KCND2: variants seen among roughly 807,000 people sequenced by gnomAD.
KCND2 encodes the protein A-type voltage-gated potassium channel KCND2.
A neutral mutation model predicts 54.4 loss-of-function variants in KCND2; 16 were observed. That is an observed-to-expected ratio of 0.29 (90% CI 0.20 to 0.45). The LOEUF is 0.45. Ranked by LOEUF, KCND2 falls within the 20% of genes least tolerant of loss-of-function variation. The pLI, the probability that KCND2 is intolerant of heterozygous loss-of-function variation, is 1.00. For missense variants in KCND2, 486 were observed against 824.2 expected, an observed-to-expected ratio of 0.59 and a Z score of 5.02; for synonymous variants, 317 against 310.7, an observed-to-expected ratio of 1.02 and a Z score of -0.21.
chr7:120,610,533 G>A (rs557053620), intron 1 of KCND2, among the ~76,000 whole-genome samples: 142 of 152,226 alleles, frequency 9.3e-4, no homozygotes, highest in Middle Eastern at 6.8e-3. Context: ...TGCAGATTCT[G>A]ATTCCAGTGT....
At chr7:120,378,752 C>G (rs2116020144) in intron 1 of KCND2, among the ~76,000 whole-genome samples, 1 of 152,044 alleles carries the variant, frequency 6.6e-6, no homozygotes, top group South Asian at 2.1e-4. Flanking sequence ...ATGCCAACAT[C>G]TCAAAAATCT....
At chr7:120,317,331 T>G (rs933535793) in intron 1 of KCND2, among the ~76,000 whole-genome samples, 2 of 152,184 alleles carry the variant, frequency 1.3e-5, no homozygotes, top group Admixed American at 1.3e-4. Flanking sequence ...GTAAATTAGG[T>G]AATTTTTGTA....
At chr7:120,508,709 A>T (rs1461969919) in intron 1 of KCND2, among the ~76,000 whole-genome samples, 1 of 151,970 alleles carries the variant, frequency 6.6e-6, no homozygotes, top group Non-Finnish European at 1.5e-5. Context: ...TTTATTTAAA[A>T]ATTGGCCTGA....
intron 1 of KCND2, among the ~76,000 whole-genome samples, chr7:120,358,146 A>T (rs1270507251): frequency 1.3e-5 from 2 of 152,184 alleles, no homozygotes; most frequent in Non-Finnish European, 2.9e-5. Flanking sequence ...GAGACAGAAT[A>T]TTCTGATAGA....
chr7:120,745,311 A>T (rs1792991684), intron 4 of KCND2, among the ~76,000 whole-genome samples: 1 of 152,178 alleles, frequency 6.6e-6, no homozygotes, highest in Non-Finnish European at 1.5e-5. Flanking sequence ...TTTCACTCCC[A>T]TGTGAAAAGA....
intron 1 of KCND2, among the ~76,000 whole-genome samples, chr7:120,433,488 A>C (rs753259880): frequency 1.3e-5 from 2 of 152,184 alleles, no homozygotes; most frequent in Non-Finnish European, 2.9e-5. Flanking sequence ...ATATGCTTCA[A>C]TCTACTGGTA....
At chr7:120,516,080 G>A (rs1282468217) in intron 1 of KCND2, among the ~76,000 whole-genome samples, 1 of 151,854 alleles carries the variant, frequency 6.6e-6, no homozygotes, top group Non-Finnish European at 1.5e-5. Flanking sequence ...TAATATCTTG[G>A]TAGGATTCAT....
At chr7:120,510,991 A>T (rs967390332) in intron 1 of KCND2, among the ~76,000 whole-genome samples, 11 of 150,020 alleles carry the variant, frequency 7.3e-5, no homozygotes, top group African/African-American at 2.7e-4. Flanking sequence ...CCATGACTTG[A>T]CACCTTTCCC....
At chr7:120,620,325 T>C (rs538800071) in intron 1 of KCND2, among the ~76,000 whole-genome samples, 1 of 152,296 alleles carries the variant, frequency 6.6e-6, no homozygotes, top group Non-Finnish European at 1.5e-5. Flanking sequence ...GAATCTAATT[T>C]GGAGTTCAGA....
chr7:120,714,094 C>T (rs1446887192), intron 1 of KCND2, among the ~76,000 whole-genome samples: 2 of 152,014 alleles, frequency 1.3e-5, no homozygotes, highest in African/African-American at 2.4e-5. Context: ...TAATGATAAT[C>T]GATATACAAT....
At chr7:120,605,433 A>G (rs1250637826) in intron 1 of KCND2, among the ~76,000 whole-genome samples, 1 of 152,236 alleles carries the variant, frequency 6.6e-6, no homozygotes, top group Non-Finnish European at 1.5e-5. Context: ...ATAATGTTCC[A>G]TTGTATGAAT....
intron 1 of KCND2, among the ~76,000 whole-genome samples, chr7:120,624,553 G>C (rs1017980277): frequency 6.6e-6 from 1 of 152,148 alleles, no homozygotes; most frequent in Non-Finnish European, 1.5e-5. Flanking sequence ...ACCAAGGCAG[G>C]TGGATCCTTT....
At chr7:120,519,318 G>C (rs1437038438) in intron 1 of KCND2, among the ~76,000 whole-genome samples, 1 of 152,040 alleles carries the variant, frequency 6.6e-6, no homozygotes, top group Non-Finnish European at 1.5e-5. Context: ...CTGCACTCCA[G>C]CCTGGATGAC....
rs575529685 is a variant in KCND2, at chr7:120,711,271, A to G, written c.1116-21632A>G. 4.6e-5 allele frequency among the ~76,000 whole-genome samples: 7 copies of G among 152,298 alleles called. No individual in the cohort carries two copies. The South Asian group carries it at 1.4e-3, about 32-fold the overall frequency. On this transcript the variant is annotated intron_variant, in intron 1 of 5. Transcript: ENST00000331113. Reference sequence around the variant, plus strand: ...ATTCAAAGATACAGATTTCATCAGTACAGTCCTTATACACATTTAAATTTC... The same window carrying G: ...ATTCAAAGATACAGATTTCATCAGTGCAGTCCTTATACACATTTAAATTTC...
At chr7:120,540,605 C>T (rs567699686) in intron 1 of KCND2, among the ~76,000 whole-genome samples, 86 of 152,246 alleles carry the variant, frequency 5.6e-4, no homozygotes, top group African/African-American at 1.8e-3. Context: ...TTTGTATATG[C>T]AGTGATGCTC....
chr7:120,651,416 A>ATGCACGGGATAT (rs1362458049), intron 1 of KCND2, among the ~76,000 whole-genome samples: 20 of 152,186 alleles, frequency 1.3e-4, no homozygotes, highest in African/African-American at 4.3e-4. Flanking sequence ...TCTCCCAGCC[A>ATGCACGGGATAT]TGCACGGGAT....
chr7:120,499,830 G>A (rs570110388), intron 1 of KCND2, among the ~76,000 whole-genome samples: 14 of 151,956 alleles, frequency 9.2e-5, no homozygotes, highest in Non-Finnish European at 1.3e-4. Flanking sequence ...GCACAAAAAT[G>A]TTTTTTTGTT....
At chr7:120,584,021 A>G (rs527898623) in intron 1 of KCND2, among the ~76,000 whole-genome samples, 8 of 152,252 alleles carry the variant, frequency 5.3e-5, no homozygotes, top group Non-Finnish European at 1.0e-4. Context: ...AAAAGGAAGT[A>G]GCTAATGTAT....
At chr7:120,359,693 C>A (rs1185915079) in intron 1 of KCND2, among the ~76,000 whole-genome samples, 1 of 152,062 alleles carries the variant, frequency 6.6e-6, no homozygotes, top group Non-Finnish European at 1.5e-5. Flanking sequence ...AGCAGGGGAT[C>A]TGATATAGTT....
Sources: allele counts gnomAD v4.1 joint callset (sites outside exome capture counted in the v4.1 genomes callset), GRCh38; gene constraint gnomAD v4.1.1; transcripts MANE v1.5; gene names NCBI Gene and HGNC (gene_info 2026-07-23, HGNC 2026-07-21).